The following RETREG1 variants were observed in gnomAD, a reference collection of about 807,000 sequenced individuals.
RETREG1 encodes reticulophagy regulator 1.
A neutral mutation model predicts 54.8 loss-of-function variants in RETREG1; 44 were observed. The observed-to-expected ratio is 0.80, with a 90% CI of 0.63 to 1.03. The LOEUF is 1.03. RETREG1 is among the 50% of genes least tolerant of loss of function. RETREG1 has a pLI of 0.00. For synonymous variants in RETREG1, 217 were observed against 238.5 expected (o/e 0.91, Z 0.83); for missense variants, 554 against 605.1 (o/e 0.92, Z 0.89).
chr5:16,515,250 A>C lies in RETREG1; in HGVS notation c.459-31778T>G, dbSNP rs568450657. 6.4e-4 allele frequency among the ~76,000 whole-genome samples: 97 copies of C among 152,230 alleles called. No homozygotes were observed. The Middle Eastern group carries it at 0.014, about 21-fold the overall frequency. On this transcript the variant is annotated intron_variant, in intron 3 of 8. Coordinates refer to ENST00000306320, the MANE Select transcript of RETREG1 (RefSeq NM_001034850.3). ...TGTAAAAGGGTTCCTGGAACCTGGA[A>C]GCCCCACAAGTATCTCCAAGAAACA...
intron 5 of RETREG1, among the ~76,000 whole-genome samples, 183 bp from the exon 6 acceptor site, chr5:16,479,170 C>G (rs889368541): frequency 1.3e-5 from 2 of 151,838 alleles, no homozygotes; most frequent in African/African-American, 4.8e-5. Context: ...TTTCTGCCAC[C>G]ACCCACAAAC....
intron 3 of RETREG1, among the ~76,000 whole-genome samples, chr5:16,546,379 G>A (rs962893938): frequency 1.3e-5 from 2 of 152,168 alleles, no homozygotes; most frequent in African/African-American, 4.8e-5. Context: ...TGTTGCCCAG[G>A]CTGGTCTGGG....
intron 3 of RETREG1, among the ~76,000 whole-genome samples, chr5:16,502,554 G>A (rs1317836146): frequency 6.6e-6 from 1 of 152,160 alleles, no homozygotes; most frequent in African/African-American, 2.4e-5. Context: ...GAAAAAAGCA[G>A]CAGACAAAAT....
intron 3 of RETREG1, among the ~76,000 whole-genome samples, chr5:16,538,761 G>A (rs889808122): frequency 6.6e-6 from 1 of 151,608 alleles, no homozygotes; most frequent in African/African-American, 2.4e-5. Context: ...CTGGAGTGCA[G>A]TGGCACGATC....
chr5:16,581,752 A>AACT (rs5866193), intron 1 of RETREG1, among the ~76,000 whole-genome samples: 85,149 of 151,756 alleles, frequency 0.56, 24,118 homozygotes, highest in Non-Finnish European at 0.61. Context: ...AAAGAAAAAA[A>AACT]ACGATACATT....
rs1321945916 is a variant in RETREG1 at position 16,501,568 on chromosome 5, A to G, written c.459-18096T>C. On this transcript the variant is annotated intron_variant, in intron 3 of 8. Coordinates refer to ENST00000306320, the MANE Select transcript of RETREG1 (RefSeq NM_001034850.3). ...ATTTATTTATTTATTTTTGACACAAAGTTGCTCTCTGTTGCCTAGGCTGGA... is the reference window on the plus strand; with the variant it reads ...ATTTATTTATTTATTTTTGACACAAGGTTGCTCTCTGTTGCCTAGGCTGGA... 2.0e-5 allele frequency among the ~76,000 whole-genome samples: 3 copies of G among 152,218 alleles called. No homozygotes were observed. In the South Asian group the frequency reaches 6.2e-4, roughly 32 times the overall value.
At chr5:16,509,619 A>G (rs1740102276) in intron 3 of RETREG1, among the ~76,000 whole-genome samples, 1 of 149,876 alleles carries the variant, frequency 6.7e-6, no homozygotes, top group South Asian at 2.1e-4. Context: ...TTTGGACAAA[A>G]AGTTGAAGCC....
intron 1 of RETREG1, among the ~76,000 whole-genome samples, chr5:16,600,268 T>G (rs1218809006): frequency 6.6e-6 from 1 of 152,168 alleles, no homozygotes; most frequent in Non-Finnish European, 1.5e-5. Context: ...CCCAAAGTGC[T>G]GGGATTACAG....
chr5:16,511,403 G>C (rs947404816), intron 3 of RETREG1, among the ~76,000 whole-genome samples: 1 of 152,100 alleles, frequency 6.6e-6, no homozygotes, highest in African/African-American at 2.4e-5. Flanking sequence ...TTTAAGGTAG[G>C]CTAGATTACA....
chr5:16,547,480 G>A (rs963960495), intron 3 of RETREG1, among the ~76,000 whole-genome samples: 2 of 152,128 alleles, frequency 1.3e-5, no homozygotes, highest in African/African-American at 2.4e-5. Flanking sequence ...AACTGTTGGC[G>A]CTCTTAACTT....
At chr5:16,614,799 C>T (rs1313301412) in intron 1 of RETREG1, among the ~76,000 whole-genome samples, 1 of 152,178 alleles carries the variant, frequency 6.6e-6, no homozygotes, top group Non-Finnish European at 1.5e-5. Flanking sequence ...TTGAGACATC[C>T]TTACAATAGA....
At chr5:16,603,513 G>A (rs945533763) in intron 1 of RETREG1, among the ~76,000 whole-genome samples, 3 of 152,190 alleles carry the variant, frequency 2.0e-5, no homozygotes, top group Non-Finnish European at 4.4e-5. Flanking sequence ...GGACAGAGCA[G>A]GGAACAGAGA....
intron 3 of RETREG1, among the ~76,000 whole-genome samples, chr5:16,520,162 T>C (rs1489438387): frequency 6.6e-6 from 1 of 151,966 alleles, no homozygotes; most frequent in African/African-American, 2.4e-5. Flanking sequence ...CTTGCAAAAG[T>C]CATGATGGGG....
chr5:16,588,372 T>C (rs992222774), intron 1 of RETREG1, among the ~76,000 whole-genome samples: 3 of 152,214 alleles, frequency 2.0e-5, no homozygotes, highest in African/African-American at 7.2e-5. Flanking sequence ...CCCACCCATG[T>C]GACCTCATGT....
intron 1 of RETREG1, among the ~76,000 whole-genome samples, chr5:16,578,924 T>G (rs1301433979): frequency 6.6e-6 from 1 of 152,154 alleles, no homozygotes; most frequent in Non-Finnish European, 1.5e-5. Flanking sequence ...AGCCAGTAAC[T>G]ACATAAAGCA....
intron 1 of RETREG1, among the ~76,000 whole-genome samples, chr5:16,581,098 T>C (rs577986374): frequency 1.1e-4 from 16 of 152,146 alleles, no homozygotes; most frequent in Non-Finnish European, 2.2e-4. Flanking sequence ...AGCCTCCCTG[T>C]TGATGCAACT....
At chr5:16,608,453 T>C (rs957884912) in intron 1 of RETREG1, among the ~76,000 whole-genome samples, 12 of 152,202 alleles carry the variant, frequency 7.9e-5, no homozygotes, top group African/African-American at 2.7e-4. Flanking sequence ...TTTAAAACTA[T>C]ACCTTTTCTT....
intron 3 of RETREG1, among the ~76,000 whole-genome samples, chr5:16,526,020 G>T (rs1740707118): frequency 6.6e-6 from 1 of 152,196 alleles, no homozygotes; most frequent in South Asian, 2.1e-4. Flanking sequence ...CCTACTCAAA[G>T]TGCTCTGACT....
At chr5:16,480,292 C>A (rs1738710608) in intron 5 of RETREG1, among the ~76,000 whole-genome samples, 1 of 152,004 alleles carries the variant, frequency 6.6e-6, no homozygotes, top group Non-Finnish European at 1.5e-5. Context: ...TGAGATTTAT[C>A]TTTAGTGTTG....
Sources: allele counts gnomAD v4.1 joint callset (sites outside exome capture counted in the v4.1 genomes callset), GRCh38; gene constraint gnomAD v4.1.1; transcripts MANE v1.5; gene names NCBI Gene and HGNC (gene_info 2026-07-23, HGNC 2026-07-21).